Variants in KHDRBS2 observed in about 807,000 individuals in gnomAD.
KHDRBS2 encodes KH RNA binding domain containing, signal transduction associated 2.
In KHDRBS2, 26 loss-of-function variants were observed where a neutral mutation model predicts 44.3. The observed-to-expected ratio is 0.59, with a 90% CI of 0.43 to 0.81. KHDRBS2 has a LOEUF of 0.81. Among genes scored for constraint, KHDRBS2 ranks in the 40% least tolerant of loss-of-function variants. KHDRBS2 has a pLI of 0.00. For synonymous variants in KHDRBS2, 194 were observed against 151.1 expected (o/e 1.28, Z -2.08); for missense variants, 476 against 433.1 (o/e 1.10, Z -0.88).
chr6:62,228,782 A>AT (rs1187318607), intron 1 of KHDRBS2, among the ~76,000 whole-genome samples: 1 of 151,858 alleles, frequency 6.6e-6, no homozygotes, highest in Non-Finnish European at 1.5e-5. Context: ...GCTTAATTCC[A>AT]TTATTTACCC....
chr6:62,216,203 G>A (rs546043049), intron 1 of KHDRBS2, among the ~76,000 whole-genome samples: 1 of 151,606 alleles, frequency 6.6e-6, no homozygotes, highest in Admixed American at 6.6e-5. Flanking sequence ...ATAAACCCAA[G>A]AAAACTCGCT....
chr6:61,588,472 T>A, the KHDRBS2 span, among the ~76,000 whole-genome samples: 1 of 152,156 alleles, frequency 6.6e-6, no homozygotes, highest in Non-Finnish European at 1.5e-5. Context: ...ATCACATGAT[T>A]TAAATTGGTA....
At chr6:61,953,395 T>C (rs2127384910) in intron 4 of KHDRBS2, among the ~76,000 whole-genome samples, 1 of 152,034 alleles carries the variant, frequency 6.6e-6, no homozygotes, top group East Asian at 1.9e-4. Context: ...ATGGCCAGCA[T>C]TTTTGAAATT....
At chr6:62,217,411 A>G (rs1830202373) in intron 1 of KHDRBS2, among the ~76,000 whole-genome samples, 1 of 151,974 alleles carries the variant, frequency 6.6e-6, no homozygotes, top group African/African-American at 2.4e-5. Flanking sequence ...GTAAACATAT[A>G]TAATTTATTT....
intron 8 of KHDRBS2, among the ~76,000 whole-genome samples, chr6:61,696,442 A>C (rs2127543643): frequency 6.6e-6 from 1 of 151,828 alleles, no homozygotes. Flanking sequence ...TATTTTTGGT[A>C]GAGACGGGGT....
the KHDRBS2 span, among the ~76,000 whole-genome samples, chr6:61,626,507 CAAGA>C: frequency 6.6e-6 from 1 of 152,130 alleles, no homozygotes; most frequent in South Asian, 2.1e-4. Flanking sequence ...ATTTGTCTAA[CAAGA>C]AAGAAGTATT....
At chr6:61,983,248 T>C (rs574941253) in intron 3 of KHDRBS2, among the ~76,000 whole-genome samples, 33 of 42,590 alleles carry the variant, frequency 7.7e-4, no homozygotes, top group South Asian at 1.6e-3. Flanking sequence ...TTTTTTTTTT[T>C]TTTTTTTTTA....
In KHDRBS2 at chr6:61,766,874, C is replaced by T. The variant is rs574943355; in HGVS notation, c.811-34110G>A. On this transcript the variant is annotated intron_variant, in intron 6 of 8. Coordinates refer to ENST00000281156, the MANE Select transcript of KHDRBS2 (RefSeq NM_152688.4). ...GAAATTTTTAAAACTTGTTTTGTGTCCTAATATATGGCCTGTCTTTAATCA... is the reference window on the plus strand; with the variant it reads ...GAAATTTTTAAAACTTGTTTTGTGTTCTAATATATGGCCTGTCTTTAATCA... Among the ~76,000 whole-genome samples the T allele has an allele frequency of 6.6e-5, 10 of 151,982 alleles. No homozygotes were observed. The South Asian group carries it at 2.1e-3, about 32-fold the overall frequency.
At chr6:62,232,516 A>G (rs551086953) in intron 1 of KHDRBS2, among the ~76,000 whole-genome samples, 1 of 152,238 alleles carries the variant, frequency 6.6e-6, no homozygotes, top group South Asian at 2.1e-4. Context: ...CCCAATGGAA[A>G]AAAACCACCA....
chr6:61,781,363 A>G (rs1311742450), intron 6 of KHDRBS2, among the ~76,000 whole-genome samples: 2 of 152,170 alleles, frequency 1.3e-5, no homozygotes, highest in Admixed American at 1.3e-4. Flanking sequence ...TAAAAAATCA[A>G]CTTTAAGAAA....
At chr6:61,552,637 T>TTA in the KHDRBS2 span, among the ~76,000 whole-genome samples, 7 of 152,182 alleles carry the variant, frequency 4.6e-5, no homozygotes, top group East Asian at 1.9e-4. Flanking sequence ...TGTGCATTTG[T>TTA]TATATATATG....
chr6:62,064,707 G>C (rs1301301528), intron 2 of KHDRBS2, among the ~76,000 whole-genome samples: 2 of 152,002 alleles, frequency 1.3e-5, no homozygotes, highest in Non-Finnish European at 2.9e-5. Context: ...TTACCATTCA[G>C]GTCACAGGCA....
chr6:61,995,486 C>T (rs1777000458), intron 3 of KHDRBS2, among the ~76,000 whole-genome samples: 1 of 152,252 alleles, frequency 6.6e-6, no homozygotes, highest in African/African-American at 2.4e-5. Flanking sequence ...GAAGAAGGAA[C>T]ATCAAGAATG....
At chr6:62,017,066 G>T (rs1306750625) in intron 3 of KHDRBS2, among the ~76,000 whole-genome samples, 1 of 151,434 alleles carries the variant, frequency 6.6e-6, no homozygotes, top group Non-Finnish European at 1.5e-5. Context: ...CTTCCTCATC[G>T]CTGGTTTTGT....
At chr6:62,216,696 C>CT (rs562340356) in intron 1 of KHDRBS2, among the ~76,000 whole-genome samples, 52,634 of 139,984 alleles carry the variant, frequency 0.38, 10,241 homozygotes, top group Middle Eastern at 0.44. Flanking sequence ...TCTTTCTCCT[C>CT]TTTTTTTTTT....
rs867028278 is a variant in KHDRBS2 at position 61,726,738 on chromosome 6, G to A, written c.893+5944C>T. ...AAGGGAAGTGACGGATCTCTTCAAA[G>A]AGAACTACAAACCGCTGCTCAAGGA... On this transcript the variant is annotated intron_variant, in intron 7 of 8. Coordinates refer to ENST00000281156, the MANE Select transcript of KHDRBS2 (RefSeq NM_152688.4). Among the ~76,000 whole-genome samples, 3 of 152,150 alleles carry A rather than the reference G, an allele frequency of 2.0e-5. No homozygotes were observed. The Middle Eastern group carries it at 0.01, about 518-fold the overall frequency.
chr6:61,928,650 A>G (rs1809425442), intron 4 of KHDRBS2, among the ~76,000 whole-genome samples: 1 of 152,104 alleles, frequency 6.6e-6, no homozygotes. Context: ...ATAGAGTGGC[A>G]CTGTATGCAA....
At chr6:61,892,513 T>C (rs1802052612) in intron 6 of KHDRBS2, among the ~76,000 whole-genome samples, 1 of 152,190 alleles carries the variant, frequency 6.6e-6, no homozygotes, top group African/African-American at 2.4e-5. Flanking sequence ...ACTACAAGGC[T>C]ACAGTAACCA....
At chr6:61,985,306 C>A (rs1262834082) in intron 3 of KHDRBS2, among the ~76,000 whole-genome samples, 2 of 152,118 alleles carry the variant, frequency 1.3e-5, no homozygotes, top group Non-Finnish European at 2.9e-5. Flanking sequence ...TATTTTACTT[C>A]TCTCTGTGTA....
Sources: gnomAD v4.1 joint callset for allele counts (sites outside exome capture counted in the v4.1 genomes callset) on GRCh38, gnomAD v4.1.1 for gene constraint, MANE v1.5 for transcripts, NCBI Gene and HGNC (gene_info 2026-07-23, HGNC 2026-07-21) for gene names.